The following PFKFB3 variants were observed in gnomAD, a reference collection of about 807,000 sequenced individuals.
PFKFB3 encodes the protein 6-phosphofructo-2-kinase/fructose-2,6-bisphosphatase 3.
PFKFB3 carries 33 observed loss-of-function variants against 68.0 expected under a neutral mutation model. The observed-to-expected ratio is 0.49, with a 90% CI of 0.37 to 0.65. The LOEUF (loss-of-function observed/expected upper bound fraction) is 0.65. Ranked by LOEUF, PFKFB3 falls within the 30% of genes least tolerant of loss-of-function variation. The probability of loss-of-function intolerance (pLI) is 0.00; values close to 1 mark genes in which losing one functional copy is unlikely to be tolerated. For synonymous variants in PFKFB3, 315 were observed against 288.2 expected (o/e 1.09, Z -0.94); for missense variants, 586 against 712.2 (o/e 0.82, Z 2.02).
chr10:6,274,664 T>C, the PFKFB3 span, among the ~76,000 whole-genome samples: 1 of 151,858 alleles, frequency 6.6e-6, no homozygotes, highest in Non-Finnish European at 1.5e-5. Context: ...CAGGGCAACA[T>C]AGTGAGACCC....
At chr10:6,226,514 G>C (rs1447923347) in intron 14 of PFKFB3, 149 bp downstream of exon 14, 2 of 679,376 alleles carry the variant, frequency 2.9e-6, no homozygotes, top group Non-Finnish European at 4.8e-6. Flanking sequence ...CTGTGCACGT[G>C]TGTTGTGGGG....
chr10:6,204,627 G>A lies in PFKFB3; in HGVS notation c.76+1291G>A, dbSNP rs186565998. Among the ~76,000 whole-genome samples the A allele has an allele frequency of 1.9e-3, 294 of 152,326 alleles. 2 individuals carry two copies. Among genetic ancestry groups the A allele is most frequent in the Non-Finnish European group, 2.4e-3 (166 of 68,020 alleles). ...AGGTCTTGTTCCCCCTCTTTGTGAG[G>A]TAGCCCAGGACTGGGGGATGTGGGT... On this transcript the variant is annotated intron_variant, in intron 1 of 14. Coordinates refer to ENST00000379775, the MANE Select transcript of PFKFB3 (RefSeq NM_004566.4).
chr10:6,171,866 C>T (rs926602293), intron 1 of PFKFB3, among the ~76,000 whole-genome samples: 5 of 152,198 alleles, frequency 3.3e-5, no homozygotes, highest in African/African-American at 4.8e-5. Context: ...GGAGGGAGCC[C>T]GCGCTTCTCA....
At chr10:6,264,328 C>T in the PFKFB3 span, among the ~76,000 whole-genome samples, 20 of 152,170 alleles carry the variant, frequency 1.3e-4, no homozygotes, top group South Asian at 1.4e-3. Flanking sequence ...ATTCTTGGCC[C>T]GTTGGATTTC....
At chr10:6,222,529 G>T (rs555796229) in intron 10 of PFKFB3, among the ~76,000 whole-genome samples, 1 of 152,294 alleles carries the variant, frequency 6.6e-6, no homozygotes, top group East Asian at 1.9e-4. Context: ...CCCCGGCACC[G>T]GCCCGTCTGC....
At chr10:6,318,473 G>C in the PFKFB3 span, among the ~76,000 whole-genome samples, 1 of 152,210 alleles carries the variant, frequency 6.6e-6, no homozygotes, top group African/African-American at 2.4e-5. Context: ...TTCTTCCCCA[G>C]GGGGTAGAGG....
chr10:6,178,424 A>G (rs1055033081), intron 1 of PFKFB3, among the ~76,000 whole-genome samples: 44 of 152,286 alleles, frequency 2.9e-4, no homozygotes, highest in African/African-American at 9.6e-4. Context: ...TGCGGCTGAT[A>G]TGGGCTTAGG....
intron 1 of PFKFB3, among the ~76,000 whole-genome samples, chr10:6,191,047 G>T (rs1843009621): frequency 6.6e-6 from 1 of 152,134 alleles, no homozygotes; most frequent in South Asian, 2.1e-4. Context: ...CTCTCAAAGT[G>T]CTGGGATTAC....
upstream of PFKFB3, among the ~76,000 whole-genome samples, chr10:6,200,673 GGGC>G (rs1564613480): frequency 8.6e-5 from 10 of 115,928 alleles, no homozygotes; most frequent in East Asian, 2.4e-4. Context: ...GGGGGGGGGG[GGGC>G]GGGGGGTGGT....
chr10:6,308,821 G>A, the PFKFB3 span, among the ~76,000 whole-genome samples: 1 of 152,108 alleles, frequency 6.6e-6, no homozygotes, highest in African/African-American at 2.4e-5. Flanking sequence ...CTTGTTTCTG[G>A]AATCCCCTGG....
chr10:6,198,474 A>T (rs1843234702), upstream of PFKFB3, among the ~76,000 whole-genome samples: 1 of 152,084 alleles, frequency 6.6e-6, no homozygotes, highest in South Asian at 2.1e-4. Flanking sequence ...AATATATGAT[A>T]TTTGTAGAAA....
At chr10:6,301,035 G>A in the PFKFB3 span, among the ~76,000 whole-genome samples, 1 of 152,188 alleles carries the variant, frequency 6.6e-6, no homozygotes, top group East Asian at 1.9e-4. Flanking sequence ...CCGTAACAGT[G>A]GAAGCTGCCA....
At chr10:6,272,095 A>G in the PFKFB3 span, among the ~76,000 whole-genome samples, 1 of 152,362 alleles carries the variant, frequency 6.6e-6, no homozygotes, top group East Asian at 1.9e-4. Flanking sequence ...GAAGCATTAC[A>G]TACGTGCTTA....
intron 1 of PFKFB3, among the ~76,000 whole-genome samples, chr10:6,169,482 A>T (rs1479192475): frequency 2.0e-5 from 3 of 151,044 alleles, no homozygotes; most frequent in African/African-American, 7.4e-5. Context: ...ATAAATGCAG[A>T]GTAGACCCAC....
Position 6,221,413 on chromosome 10 carries a change from G to A in PFKFB3, c.864G>A (p.Glu288=). Residue 288 remains glutamate (E), a synonymous_variant, in exon 9 of 15, where the codon GAG becomes GAA. Transcript: ENST00000379775. ...FASALSKFVE[E]QNLKDLRVWT... Reference sequence around the variant, plus strand: ...GTGCTCTGAGCAAGTTCGTGGAGGAGCAGAACCTGAAGGACCTGCGCGTGT... The same window carrying A: ...GTGCTCTGAGCAAGTTCGTGGAGGAACAGAACCTGAAGGACCTGCGCGTGT... 6.2e-7 allele frequency: 1 copy of A among 1,613,912 alleles called. No homozygotes were observed. The highest frequency in any genetic ancestry group is 8.5e-7 in the Non-Finnish European group (1 of 1,180,022).
At chr10:6,186,605 G>A (rs1842874448) in intron 1 of PFKFB3, among the ~76,000 whole-genome samples, 1 of 152,224 alleles carries the variant, frequency 6.6e-6, no homozygotes, top group Non-Finnish European at 1.5e-5. Flanking sequence ...GAGATTAAAT[G>A]TATAAACATC....
the PFKFB3 span, among the ~76,000 whole-genome samples, chr10:6,262,391 C>T: frequency 5.0e-5 from 7 of 139,272 alleles, no homozygotes; most frequent in Admixed American, 5.6e-4. Context: ...GGGGGCGGAG[C>T]CTGCAGTGAG....
At chr10:6,188,974 A>T (rs1842951105) in intron 1 of PFKFB3, among the ~76,000 whole-genome samples, 1 of 151,652 alleles carries the variant, frequency 6.6e-6, no homozygotes, top group African/African-American at 2.4e-5. Flanking sequence ...AGCTGGGACT[A>T]CAGGCGCCCG....
Position 6,220,628 on chromosome 10 carries a change from G to C in PFKFB3, c.624-30G>C. 6.2e-7 allele frequency: 1 copy of C among 1,604,678 alleles called. No homozygotes were observed. Among genetic ancestry groups the C allele is most frequent in the Non-Finnish European group, 8.5e-7 (1 of 1,172,882 alleles). On this transcript the variant is annotated intron_variant, in intron 7 of 14. Transcript: ENST00000379775. The surrounding 1 kb of genome is among the most constrained non-coding windows in gnomAD (Gnocchi z 4.1). ...CATCCTGCTGTGGGTGGTGGCCTGA[G>C]CTGTGGTTCTCGGTGGGGTCTCTCT...
Sources: gnomAD v4.1 joint callset for allele counts (sites outside exome capture counted in the v4.1 genomes callset) on GRCh38, gnomAD v4.1.1 for gene constraint, Gnocchi (gnomAD v3.1) non-coding constraint, MANE v1.5 for transcripts, NCBI Gene and HGNC (gene_info 2026-07-23, HGNC 2026-07-21) for gene names.